Variants in RYR2 observed in about 807,000 individuals in gnomAD.
The protein encoded by RYR2 is ryanodine receptor 2, also known as cardiac muscle ryanodine receptor-calcium release channel.
Under a neutral mutation model 601.1 loss-of-function variants are expected in RYR2, and 227 were observed. The observed-to-expected ratio is 0.38, with a 90% CI of 0.34 to 0.42. The LOEUF is 0.42. RYR2 is among the 10% of genes least tolerant of loss of function. The pLI is 1.00. For synonymous variants in RYR2, 2,223 were observed against 2,175.1 expected, an observed-to-expected ratio of 1.02 and a Z score of -0.61; for missense variants, 4,646 against 6,156.5, an observed-to-expected ratio of 0.75 and a Z score of 8.21.
intron 1 of RYR2, among the ~76,000 whole-genome samples, chr1:237,221,294 G>A (rs1683775934): frequency 6.6e-6 from 1 of 152,174 alleles, no homozygotes; most frequent in Non-Finnish European, 1.5e-5. Flanking sequence ...ATGAAACACT[G>A]AAACAGCTAA....
intron 1 of RYR2, among the ~76,000 whole-genome samples, chr1:237,155,365 A>G (rs747135654): frequency 5.3e-5 from 8 of 151,820 alleles, no homozygotes; most frequent in Non-Finnish European, 8.8e-5. Context: ...TTTAGTAGAG[A>G]TGGGGTTTCA....
chr1:237,167,708 C>CTTTTTTTT (rs11288225), intron 1 of RYR2, among the ~76,000 whole-genome samples: 3 of 101,116 alleles, frequency 3.0e-5, no homozygotes, highest in African/African-American at 3.9e-5. Flanking sequence ...GATCCACCTC[C>CTTTTTTTT]TTTTTTTTTT....
At position 237,708,542 on chromosome 1, in the gene RYR2, C is replaced by A. The variant is rs1688567709; in HGVS notation, c.9902-316C>A. Among the ~76,000 whole-genome samples the A allele has an allele frequency of 2.6e-5, 4 of 152,140 alleles. No individual in the cohort carries two copies. The South Asian group carries it at 8.3e-4, about 32-fold the overall frequency. On this transcript the variant is annotated intron_variant, in intron 68 of 104. Transcript: ENST00000366574. ...TCCCTATTCTAAGGGTTAGGGGAAC[C>A]TTTTCCATTTGGGAATTTTATTTCT...
chr1:237,388,115 G>A lies in RYR2; in HGVS notation c.705G>A (p.Arg235=), dbSNP rs200318226. 1 of 1,613,914 alleles carries A rather than the reference G, an allele frequency of 6.2e-7. No individual in the cohort carries two copies. Among genetic ancestry groups the A allele is most frequent in the African/African-American group, 1.3e-5 (1 of 75,064 alleles). The part of the protein sequence containing the change: ...QGYLIGGDVL[R]LLHGHMDECL... ...ATCTCATTGGTGGTGATGTCCTCAG[G>A]TTGCTGCATGGACACATGGACGAGT... Residue 235 remains arginine, a synonymous_variant, in exon 10 of 105, where the codon AGG becomes AGA. Coordinates refer to ENST00000366574, the MANE Select transcript of RYR2 (RefSeq NM_001035.3).
intron 3 of RYR2, among the ~76,000 whole-genome samples, chr1:237,351,417 TTTGAAATGACTAATTGATGAGCCC>T: frequency 6.6e-6 from 1 of 152,156 alleles, no homozygotes; most frequent in South Asian, 2.1e-4. Context: ...TAGCTGGATT[TTTGAAATGACTAATTGATGAGCCC>T]TTGGAAAGAC....
intron 1 of RYR2, among the ~76,000 whole-genome samples, chr1:237,229,341 G>T (rs1055025704): frequency 8.5e-5 from 13 of 152,122 alleles, no homozygotes; most frequent in Admixed American, 1.3e-4. Flanking sequence ...TCACCTTTTG[G>T]GTTTCATTAT....
At chr1:237,673,856 A>G (rs1291922286) in intron 58 of RYR2, among the ~76,000 whole-genome samples, 2 of 152,310 alleles carry the variant, frequency 1.3e-5, no homozygotes, top group Non-Finnish European at 2.9e-5. Context: ...TTAGTATTAC[A>G]AATGCATGCA....
At chr1:237,239,014 T>C (rs1389535270) in intron 1 of RYR2, among the ~76,000 whole-genome samples, 5 of 152,156 alleles carry the variant, frequency 3.3e-5, no homozygotes, top group Admixed American at 3.3e-4. Flanking sequence ...GTGCTCAGGA[T>C]TAGAAACAGG....
chr1:237,819,375 T>A lies in RYR2; in HGVS notation c.14590+183T>A, dbSNP rs1346215940. On this transcript the variant is annotated intron_variant, in intron 101 of 104. Transcript: ENST00000366574. The surrounding 1 kb of genome is among the most constrained non-coding windows in gnomAD (Gnocchi z 4.0). ...GGAAATATAAAGCGGTATGGAACCC[T>A]GGTATGAAGGGAAGATACAGTGTTA... 5.3e-5 allele frequency among the ~76,000 whole-genome samples: 8 copies of A among 152,224 alleles called. No individual in the cohort carries two copies. Among genetic ancestry groups the A allele is most frequent in the Non-Finnish European group, 1.5e-5 (1 of 68,044 alleles).
chr1:237,712,596 G>A (rs2149082814), intron 71 of RYR2, among the ~76,000 whole-genome samples: 1 of 152,154 alleles, frequency 6.6e-6, no homozygotes, highest in East Asian at 1.9e-4. Context: ...TATAATGTAT[G>A]TTTAACATGT....
chr1:237,223,839 T>C (rs1367012629), intron 1 of RYR2, among the ~76,000 whole-genome samples: 5 of 152,214 alleles, frequency 3.3e-5, no homozygotes, highest in Non-Finnish European at 7.3e-5. Flanking sequence ...CTAAAATATG[T>C]GTGTCAAAGG....
chr1:237,224,633 G>A (rs1684163077), intron 1 of RYR2, among the ~76,000 whole-genome samples: 1 of 152,032 alleles, frequency 6.6e-6, no homozygotes, highest in Non-Finnish European at 1.5e-5. Flanking sequence ...CGAGGCAGGA[G>A]GATTGCTTGA....
At chr1:237,125,829 C>T (rs1404073049) in intron 1 of RYR2, among the ~76,000 whole-genome samples, 1 of 152,170 alleles carries the variant, frequency 6.6e-6, no homozygotes, top group Non-Finnish European at 1.5e-5. Context: ...TTCAAAATGT[C>T]ACTTTCTGTA....
chr1:237,530,357 T>C, intron 24 of RYR2, 70 bp from the exon 25 acceptor site: 5 of 1,146,988 alleles, frequency 4.4e-6, no homozygotes, highest in Non-Finnish European at 6.4e-6. Flanking sequence ...TCATTGCTAC[T>C]GCTGCTGTCT....
chr1:237,631,865 T>C (rs1338937839), intron 42 of RYR2, among the ~76,000 whole-genome samples: 2 of 65,816 alleles, frequency 3.0e-5, no homozygotes, highest in South Asian at 7.5e-4. Context: ...CCTGACCTCG[T>C]GATCCGCCCG....
rs374287168 is a variant in RYR2, at chr1:237,631,667, C to G, written c.6555+126C>G. 12 of 450,670 alleles carry G rather than the reference C, an allele frequency of 2.7e-5. No homozygotes were observed. The East Asian group carries it at 4.6e-4, about 17-fold the overall frequency. 27.9% of individuals were successfully genotyped at this position (450,670 alleles called of 1,614,324 possible). A position where few individuals can be genotyped will look rare whatever the true frequency, so the allele number is the denominator to read the frequency against. The stretch of plus-strand genomic sequence containing the variant: ...TTTTGGAGACAGAGGCTCACTCTGT[C>G]GCCCAGGCTGGAGTGCAGTGCACGA... On this transcript the variant is annotated intron_variant, in intron 42 of 104. Transcript: ENST00000366574.
chr1:237,584,318 T>C (rs1000845906), intron 29 of RYR2, among the ~76,000 whole-genome samples: 38 of 152,230 alleles, frequency 2.5e-4, no homozygotes, highest in African/African-American at 8.0e-4. Flanking sequence ...TTTACCAACC[T>C]GTTTTGTTCA....
chr1:237,262,684 T>TC (rs1688656541), intron 1 of RYR2, among the ~76,000 whole-genome samples: 1 of 152,220 alleles, frequency 6.6e-6, no homozygotes. Context: ...GCATTTATTT[T>TC]CATTAAGCCA....
intron 12 of RYR2, among the ~76,000 whole-genome samples, chr1:237,427,258 G>A (rs764599260): frequency 4.6e-5 from 7 of 152,000 alleles, no homozygotes; most frequent in Non-Finnish European, 7.4e-5. Flanking sequence ...ACCACAGAGC[G>A]AATGGCTCTA....
Sources: allele counts gnomAD v4.1 joint callset (sites outside exome capture counted in the v4.1 genomes callset), GRCh38; gene constraint gnomAD v4.1.1; non-coding constraint Gnocchi (gnomAD v3.1); transcripts MANE v1.5; gene names NCBI Gene and HGNC (gene_info 2026-07-23, HGNC 2026-07-21).